STK32B: variants seen among roughly 807,000 people sequenced by gnomAD.
STK32B encodes serine/threonine-protein kinase 32B.
A neutral mutation model predicts 52.6 loss-of-function variants in STK32B; 43 were observed. The ratio of observed to expected loss-of-function variants is 0.82; its 90% CI spans 0.64 to 1.05. STK32B has a LOEUF of 1.05. Among genes scored for constraint, STK32B ranks in the 50% least tolerant of loss-of-function variants. STK32B has a pLI of 0.00. For missense variants in STK32B, 621 were observed against 534.6 expected, an observed-to-expected ratio of 1.16 and a Z score of -1.59; for synonymous variants, 238 against 204.3, an observed-to-expected ratio of 1.17 and a Z score of -1.41.
At chr4:5,294,783 G>A (rs1207978705) in intron 3 of STK32B, among the ~76,000 whole-genome samples, 3 of 152,046 alleles carry the variant, frequency 2.0e-5, no homozygotes, top group Non-Finnish European at 4.4e-5. Context: ...TTGCCTGATT[G>A]CCCTGGCCAG....
At chr4:5,140,399 T>TC (rs1278831101) in intron 2 of STK32B, 1 of 914,774 alleles carries the variant, frequency 1.1e-6, no homozygotes, top group Non-Finnish European at 1.4e-6. Context: ...ACAAAAATAC[T>TC]CCCCCCAGTC....
intron 4 of STK32B, among the ~76,000 whole-genome samples, chr4:5,381,020 G>A (rs910425055): frequency 6.6e-6 from 1 of 152,024 alleles, no homozygotes; most frequent in Non-Finnish European, 1.5e-5. Context: ...TGACCACGCT[G>A]ATCATTTGTT....
chr4:5,417,037 C>T (rs1443080871), intron 6 of STK32B, 103 bp downstream of exon 6: 2 of 1,032,306 alleles, frequency 1.9e-6, no homozygotes, highest in Non-Finnish European at 2.8e-6. Context: ...CACATACCCT[C>T]CCATGCTCAC....
Position 5,398,219 on chromosome 4 carries a change from A to T in STK32B, c.447A>T (p.Pro149=). The T allele has an allele frequency of 6.2e-7, 1 of 1,614,138 alleles. No homozygotes were observed. Among genetic ancestry groups the T allele is most frequent in the African/African-American group, 1.3e-5 (1 of 75,050 alleles). The part of the protein sequence containing the change: ...RYHIIHRDIK[P]DNILLDEHGH... ...TTTTCTTTTACAGAGACATCAAGCCAGACAATATCCTGCTGGATGAACACG... is the reference window on the plus strand; with the variant it reads ...TTTTCTTTTACAGAGACATCAAGCCTGACAATATCCTGCTGGATGAACACG... The change falls in exon 5 of 12, where the codon CCA becomes CCT. Residue 149 remains proline, a synonymous_variant. Transcript: ENST00000282908. This position sits in a 1 kb window ranked among gnomAD's most constrained non-coding sequence, Gnocchi z 4.9.
chr4:5,151,521 T>C (rs890696124), intron 2 of STK32B, among the ~76,000 whole-genome samples: 6 of 152,260 alleles, frequency 3.9e-5, no homozygotes, highest in African/African-American at 9.6e-5. Flanking sequence ...AGAAATCTTT[T>C]CACTGTCATG....
intron 11 of STK32B, among the ~76,000 whole-genome samples, chr4:5,476,310 A>G (rs1718237815): frequency 6.6e-6 from 1 of 152,160 alleles, no homozygotes; most frequent in African/African-American, 2.4e-5. Context: ...GGTCTGAGGG[A>G]TTCTCAAGCC....
In STK32B at chr4:5,139,946, G is replaced by T. The variant is rs767165585; in HGVS notation, c.94G>T (p.Gly32Trp). 2 of 1,614,080 alleles carry T rather than the reference G, an allele frequency of 1.2e-6. No individual in the cohort carries two copies. Among genetic ancestry groups the T allele is most frequent in the Non-Finnish European group, 1.7e-6 (2 of 1,180,044 alleles). Residue 32 changes from glycine to tryptophan, a missense_variant, in exon 2 of 12, where the codon GGG (glycine) becomes TGG (tryptophan). Transcript: ENST00000282908. ...TCAGATTCTGCGGGCCATTGGTAAAGGGAGTTTTGGAAAGGTAAGAATATA... is the reference window on the plus strand; with the variant it reads ...TCAGATTCTGCGGGCCATTGGTAAATGGAGTTTTGGAAAGGTAAGAATATA... ...HFQILRAIGKGSFGKVCIVQK... is the reference protein window; with the variant it reads ...HFQILRAIGKWSFGKVCIVQK...
At chr4:5,317,948 G>A (rs780342217) in intron 3 of STK32B, among the ~76,000 whole-genome samples, 1 of 152,100 alleles carries the variant, frequency 6.6e-6, no homozygotes, top group Non-Finnish European at 1.5e-5. Flanking sequence ...TTCAGGTTTT[G>A]TCCCAGGCCT....
At chr4:5,205,854 C>G (rs577765203) in intron 3 of STK32B, among the ~76,000 whole-genome samples, 1 of 152,242 alleles carries the variant, frequency 6.6e-6, no homozygotes, top group African/African-American at 2.4e-5. Flanking sequence ...ATTCTCATCT[C>G]CCATCCTCCT....
intron 3 of STK32B, chr4:5,214,266 C>G (rs758291276): frequency 6.6e-6 from 1 of 152,332 alleles, no homozygotes. Context: ...TGTGTAAATG[C>G]GTTTACTTCT....
At chr4:5,420,961 A>G (rs922505196) in intron 6 of STK32B, among the ~76,000 whole-genome samples, 1 of 152,160 alleles carries the variant, frequency 6.6e-6, no homozygotes, top group Non-Finnish European at 1.5e-5. Flanking sequence ...GTATAATGGC[A>G]TGATCTTGGC....
chr4:5,470,100 A>G lies in STK32B; in HGVS notation c.1106+2030A>G, dbSNP rs189842540. On this transcript the variant is annotated intron_variant, in intron 11 of 11. Transcript: ENST00000282908. This position sits in a 1 kb window ranked among gnomAD's most constrained non-coding sequence, Gnocchi z 4.6. Reference sequence around the variant, plus strand: ...TTGCTGTGTGCCAGAACATGCTTCAATTTGGATTCTTCCTTTTAAAAGGAA... The same window carrying G: ...TTGCTGTGTGCCAGAACATGCTTCAGTTTGGATTCTTCCTTTTAAAAGGAA... Among the ~76,000 whole-genome samples the G allele has an allele frequency of 6.6e-6, 1 of 152,282 alleles. No individual in the cohort carries two copies. Among genetic ancestry groups the G allele is most frequent in the Non-Finnish European group, 1.5e-5 (1 of 68,014 alleles).
intron 10 of STK32B, 66 bp downstream of exon 10, chr4:5,466,900 G>T: frequency 6.5e-7 from 1 of 1,543,460 alleles, no homozygotes; most frequent in Non-Finnish European, 8.7e-7. Context: ...GACTGAGCCA[G>T]GCCACTGTTT....
intron 3 of STK32B, among the ~76,000 whole-genome samples, chr4:5,291,485 G>GA (rs1371091360): frequency 1.3e-5 from 2 of 151,988 alleles, no homozygotes; most frequent in African/African-American, 4.8e-5. Flanking sequence ...AAATACAGCT[G>GA]ATTTTTTGTA....
intron 11 of STK32B, among the ~76,000 whole-genome samples, chr4:5,479,057 C>A (rs542012688): frequency 6.6e-6 from 1 of 151,452 alleles, no homozygotes; most frequent in African/African-American, 2.4e-5. Context: ...CAGTTAATCC[C>A]GGGGAGTTTT....
At chr4:5,199,006 C>T (rs1721916315) in intron 3 of STK32B, among the ~76,000 whole-genome samples, 1 of 152,098 alleles carries the variant, frequency 6.6e-6, no homozygotes, top group Non-Finnish European at 1.5e-5. Flanking sequence ...TTGTCCACAC[C>T]CTTCAGGTCT....
At chr4:5,352,658 G>A (rs1409191009) in intron 4 of STK32B, among the ~76,000 whole-genome samples, 1 of 150,638 alleles carries the variant, frequency 6.6e-6, no homozygotes, top group Non-Finnish European at 1.5e-5. Flanking sequence ...GAAGTCATTT[G>A]TCCCTCTTTG....
intron 11 of STK32B, among the ~76,000 whole-genome samples, chr4:5,496,337 G>A (rs1720245734): frequency 6.6e-6 from 1 of 152,170 alleles, no homozygotes. Context: ...TCAGACTGCT[G>A]TGCTAGCAAT....
intron 2 of STK32B, among the ~76,000 whole-genome samples, chr4:5,150,445 G>C (rs1231583122): frequency 6.6e-6 from 1 of 152,122 alleles, no homozygotes; most frequent in African/African-American, 2.4e-5. Flanking sequence ...CCTGGACATT[G>C]TGGGTGTTAT....
Sources: gnomAD v4.1 joint callset for allele counts (sites outside exome capture counted in the v4.1 genomes callset) on GRCh38, gnomAD v4.1.1 for gene constraint, Gnocchi (gnomAD v3.1) non-coding constraint, MANE v1.5 for transcripts, NCBI Gene and HGNC (gene_info 2026-07-23, HGNC 2026-07-21) for gene names.